RTN1: variants seen among roughly 807,000 people sequenced by gnomAD.
RTN1 encodes the protein reticulon-1.
RTN1 carries 25 observed loss-of-function variants against 65.5 expected under a neutral mutation model. That is an observed-to-expected ratio of 0.38 (90% confidence interval 0.28 to 0.53). The LOEUF is 0.53. Ranked by LOEUF, RTN1 falls within the 20% of genes least tolerant of loss-of-function variation. The pLI is 0.79. For missense variants in RTN1, 983 were observed against 1,025.4 expected (o/e 0.96, Z 0.57); for synonymous variants, 471 against 447.6 (o/e 1.05, Z -0.66).
At chr14:59,748,216 T>TTTTTTC (rs1566710305) in intron 1 of RTN1, among the ~76,000 whole-genome samples, 1 of 151,526 alleles carries the variant, frequency 6.6e-6, no homozygotes, top group East Asian at 1.9e-4. Context: ...TGAGGTTTTT[T>TTTTTTC]TTTTTTTTTT....
chr14:59,833,170 AAT>A (rs1887156106), intron 1 of RTN1, among the ~76,000 whole-genome samples: 1 of 152,242 alleles, frequency 6.6e-6, no homozygotes, highest in Admixed American at 6.5e-5. Flanking sequence ...TCTGGAAAGT[AAT>A]ATGACAATGC....
intron 3 of RTN1, 174 bp from the exon 4 acceptor site, chr14:59,607,666 T>C: frequency 4.8e-6 from 3 of 619,790 alleles, no homozygotes; most frequent in Admixed American, 5.5e-5. Flanking sequence ...CATTCCACTT[T>C]GGTTTGGAAG....
intron 3 of RTN1, among the ~76,000 whole-genome samples, chr14:59,633,263 T>C (rs956964210): frequency 6.6e-6 from 1 of 152,182 alleles, no homozygotes. Flanking sequence ...AGATTCACAC[T>C]AGTGAAGTAA....
chr14:59,693,832 G>GA (rs991767164), intron 3 of RTN1, among the ~76,000 whole-genome samples: 5 of 152,150 alleles, frequency 3.3e-5, no homozygotes, highest in Non-Finnish European at 5.9e-5. Flanking sequence ...TGTTGCTACA[G>GA]AAAAAATGTG....
intron 2 of RTN1, among the ~76,000 whole-genome samples, chr14:59,729,953 C>T (rs147606814): frequency 7.1e-4 from 108 of 152,286 alleles, no homozygotes; most frequent in Non-Finnish European, 1.3e-3. Flanking sequence ...AGTTCCAGCT[C>T]TTAGCAGGCT....
chr14:59,687,556 T>C (rs189459203), intron 3 of RTN1, among the ~76,000 whole-genome samples: 160 of 152,104 alleles, frequency 1.1e-3, no homozygotes, highest in African/African-American at 3.7e-3. Context: ...CTCCATTTTA[T>C]GCCCAGGTGG....
chr14:59,696,791 A>G (rs1342176077), intron 3 of RTN1, among the ~76,000 whole-genome samples: 1 of 152,222 alleles, frequency 6.6e-6, no homozygotes, highest in Non-Finnish European at 1.5e-5. Context: ...AGATTCAGGT[A>G]AATAGGATAG....
intron 1 of RTN1, among the ~76,000 whole-genome samples, chr14:59,861,250 T>C (rs1477405884): frequency 6.6e-6 from 1 of 152,132 alleles, no homozygotes; most frequent in African/African-American, 2.4e-5. Context: ...TGATAGTGAA[T>C]AAGTCTCACA....
intron 1 of RTN1, among the ~76,000 whole-genome samples, chr14:59,775,235 G>A (rs982902191): frequency 2.6e-5 from 4 of 152,120 alleles, no homozygotes; most frequent in Admixed American, 1.3e-4. Context: ...TATTAGAGAT[G>A]GTACTAGAAC....
intron 1 of RTN1, among the ~76,000 whole-genome samples, chr14:59,841,352 T>C (rs1340836675): frequency 6.6e-6 from 1 of 152,146 alleles, no homozygotes; most frequent in Non-Finnish European, 1.5e-5. Context: ...TACACAAATA[T>C]AAATGTTTAA....
intron 3 of RTN1, among the ~76,000 whole-genome samples, chr14:59,706,034 G>C (rs1159653049): frequency 1.3e-5 from 2 of 151,530 alleles, no homozygotes; most frequent in African/African-American, 4.9e-5. Flanking sequence ...GAATGCAATT[G>C]TTGTGGACTT....
intron 3 of RTN1, among the ~76,000 whole-genome samples, chr14:59,668,133 C>A (rs1271341818): frequency 6.6e-6 from 1 of 152,104 alleles, no homozygotes; most frequent in Non-Finnish European, 1.5e-5. Context: ...CAAAAAAGGG[C>A]CCACATTGCC....
intron 2 of RTN1, among the ~76,000 whole-genome samples, chr14:59,732,408 T>C (rs1884917722): frequency 6.6e-6 from 1 of 152,192 alleles, no homozygotes; most frequent in African/African-American, 2.4e-5. Flanking sequence ...AATTAAAATA[T>C]CCAGGTTCTC....
chr14:59,688,375 C>T (rs1278034784), intron 3 of RTN1, among the ~76,000 whole-genome samples: 1 of 152,190 alleles, frequency 6.6e-6, no homozygotes, highest in Admixed American at 6.5e-5. Context: ...CCTCTGGGTA[C>T]GTGGTGGCTG....
At chr14:59,850,714 T>C (rs902760593) in intron 1 of RTN1, among the ~76,000 whole-genome samples, 21 of 152,298 alleles carry the variant, frequency 1.4e-4, no homozygotes, top group African/African-American at 5.1e-4. Context: ...ATTATGCAAA[T>C]AACAATAATT....
chr14:59,602,954 G>C, intron 8 of RTN1, 111 bp downstream of exon 8: 1 of 716,584 alleles, frequency 1.4e-6, no homozygotes, highest in East Asian at 2.7e-5. Context: ...GTAAGTGAAT[G>C]ACCATAAATC....
At chr14:59,676,454 T>C (rs1883629580) in intron 3 of RTN1, among the ~76,000 whole-genome samples, 1 of 152,134 alleles carries the variant, frequency 6.6e-6, no homozygotes, top group South Asian at 2.1e-4. Flanking sequence ...TTATATGGCC[T>C]TAAAGGTAAG....
intron 3 of RTN1, among the ~76,000 whole-genome samples, chr14:59,609,207 C>G (rs974676226): frequency 6.6e-6 from 1 of 152,024 alleles, no homozygotes; most frequent in African/African-American, 2.4e-5. Flanking sequence ...ATCGCTTGAA[C>G]CCAGGAGGCA....
At chr14:59,603,798 A>C in intron 6 of RTN1, 54 bp downstream of exon 6, 1 of 1,412,404 alleles carries the variant, frequency 7.1e-7, no homozygotes, top group African/African-American at 1.4e-5. Context: ...CCTAGGAAGC[A>C]GCGTTTTCAC....
Sources: allele counts gnomAD v4.1 joint callset (sites outside exome capture counted in the v4.1 genomes callset), GRCh38; gene constraint gnomAD v4.1.1; transcripts MANE v1.5; gene names NCBI Gene and HGNC (gene_info 2026-07-23, HGNC 2026-07-21).